The following TFDP2 variants were observed in gnomAD, a reference collection of about 807,000 sequenced individuals.
The protein encoded by TFDP2 is transcription factor Dp-2 (E2F dimerization partner 2).
TFDP2 carries 17 observed loss-of-function variants against 59.3 expected under a neutral mutation model. That is an observed-to-expected ratio of 0.29 (90% confidence interval 0.20 to 0.43). The LOEUF (loss-of-function observed/expected upper bound fraction) is 0.43, where lower values mean the gene tolerates loss of function less well. Ranked by LOEUF, TFDP2 falls within the 20% of genes least tolerant of loss-of-function variation. The probability of loss-of-function intolerance (pLI) is 1.00; values close to 1 mark genes in which losing one functional copy is unlikely to be tolerated. For synonymous variants in TFDP2, 180 were observed against 194.7 expected (o/e 0.92, Z 0.63); for missense variants, 391 against 528.8 (o/e 0.74, Z 2.56).
At chr3:141,955,190 T>C (rs1458201515) in intron 11 of TFDP2, among the ~76,000 whole-genome samples, 1 of 152,194 alleles carries the variant, frequency 6.6e-6, no homozygotes, top group African/African-American at 2.4e-5. Context: ...TGGAAAAGCC[T>C]ACATTTCTTT....
At chr3:142,048,999 G>A (rs1018566855) in intron 3 of TFDP2, among the ~76,000 whole-genome samples, 3 of 152,114 alleles carry the variant, frequency 2.0e-5, no homozygotes, top group African/African-American at 4.8e-5. Context: ...ATGAAATAAC[G>A]AATATGAAGG....
intron 4 of TFDP2, among the ~76,000 whole-genome samples, chr3:142,003,984 G>A (rs1397900969): frequency 1.3e-5 from 2 of 152,208 alleles, no homozygotes; most frequent in East Asian, 3.8e-4. Context: ...ATAAAAATTT[G>A]AGTATGTTTA....
At chr3:141,967,960 C>T (rs888774500) in intron 9 of TFDP2, among the ~76,000 whole-genome samples, 1 of 151,706 alleles carries the variant, frequency 6.6e-6, no homozygotes, top group African/African-American at 2.4e-5. Flanking sequence ...TTAAAAATAA[C>T]GTGCCAAAAA....
intron 1 of TFDP2, among the ~76,000 whole-genome samples, chr3:142,123,280 G>A (rs961214544): frequency 4.6e-5 from 7 of 152,130 alleles, no homozygotes; most frequent in South Asian, 2.1e-4. Flanking sequence ...GACTACAGGC[G>A]CGTGCCACTG....
intron 3 of TFDP2, among the ~76,000 whole-genome samples, chr3:142,050,389 T>C (rs1189755486): frequency 1.3e-5 from 2 of 152,208 alleles, no homozygotes; most frequent in East Asian, 3.9e-4. Flanking sequence ...TGTTTTCTCT[T>C]CTAGCCTTTC....
At chr3:141,993,341 C>G (rs962769619) in intron 6 of TFDP2, among the ~76,000 whole-genome samples, 197 bp downstream of exon 6, 1 of 152,158 alleles carries the variant, frequency 6.6e-6, no homozygotes, top group Admixed American at 6.6e-5. Flanking sequence ...AATCTGCTCA[C>G]AGGGTAATTT....
At chr3:142,083,249 T>C (rs2060701480) in intron 3 of TFDP2, among the ~76,000 whole-genome samples, 2 of 151,996 alleles carry the variant, frequency 1.3e-5, no homozygotes, top group Non-Finnish European at 2.9e-5. Flanking sequence ...TTAAAAGTAA[T>C]CCCATTTATA....
chr3:142,010,286 A>G (rs1944554992), intron 3 of TFDP2, among the ~76,000 whole-genome samples: 1 of 152,250 alleles, frequency 6.6e-6, no homozygotes, highest in Admixed American at 6.5e-5. Flanking sequence ...CAGTCATCAC[A>G]TGAAAAGACG....
chr3:142,107,781 T>C (rs1489477750), intron 1 of TFDP2, among the ~76,000 whole-genome samples: 1 of 152,164 alleles, frequency 6.6e-6, no homozygotes, highest in Non-Finnish European at 1.5e-5. Context: ...CCAGCAAAAG[T>C]GTTCTTAACT....
rs181426244 is a variant in TFDP2, at chr3:141,990,410, G to T, written c.356+3128C>A. Among the ~76,000 whole-genome samples, 70 of 152,186 alleles carry T rather than the reference G, an allele frequency of 4.6e-4. No individual in the cohort carries two copies. The East Asian group carries it at 0.011, about 23-fold the overall frequency. ...TTGCCTCAGCCTCCTGAGTAGCTGG[G>T]ATTACAGGCACCCACCACCATGCCC... is the stretch of plus-strand genomic sequence containing the variant. On this transcript the variant is annotated intron_variant, in intron 6 of 12. Coordinates refer to ENST00000489671, the MANE Select transcript of TFDP2 (RefSeq NM_001178139.2).
At chr3:142,077,365 C>T (rs894709850) in intron 3 of TFDP2, among the ~76,000 whole-genome samples, 4 of 152,184 alleles carry the variant, frequency 2.6e-5, no homozygotes, top group African/African-American at 9.6e-5. Flanking sequence ...TAAGGGAGTG[C>T]TTGCGCCACC....
chr3:141,986,401 A>C (rs1337391415), intron 6 of TFDP2, among the ~76,000 whole-genome samples: 4 of 152,224 alleles, frequency 2.6e-5, no homozygotes, highest in African/African-American at 9.6e-5. Context: ...CATGACTTCT[A>C]TTATAGTTTT....
rs377437745 is a variant in TFDP2, at chr3:142,111,288, G to A, written c.-92-9447C>T. Among the ~76,000 whole-genome samples, 5 of 152,026 alleles carry A rather than the reference G, an allele frequency of 3.3e-5. No homozygotes were observed. In the East Asian group the frequency reaches 9.8e-4, roughly 30 times the overall value. On this transcript the variant is annotated intron_variant, in intron 1 of 12. Transcript: ENST00000489671. ...TACTAAAAATACAAAAATTAGCCGG[G>A]TGTGGTGGCACATGCCTGTAATCCC...
At chr3:142,081,297 A>G (rs1264579888) in intron 3 of TFDP2, among the ~76,000 whole-genome samples, 4 of 152,192 alleles carry the variant, frequency 2.6e-5, no homozygotes, top group African/African-American at 9.6e-5. Context: ...TGATAAAAGA[A>G]ACACAACACA....
At chr3:141,976,514 T>C (rs935896411) in intron 7 of TFDP2, among the ~76,000 whole-genome samples, 3 of 152,184 alleles carry the variant, frequency 2.0e-5, no homozygotes, top group Non-Finnish European at 4.4e-5. Context: ...AATGCTTCAT[T>C]GTGGTGACAG....
At chr3:142,071,712 G>A (rs376666880) in intron 3 of TFDP2, among the ~76,000 whole-genome samples, 1 of 152,170 alleles carries the variant, frequency 6.6e-6, no homozygotes, top group Non-Finnish European at 1.5e-5. Context: ...GAATCAAAAA[G>A]CCTTGTAAGT....
At chr3:142,074,560 T>TA (rs2060374872) in intron 3 of TFDP2, among the ~76,000 whole-genome samples, 1 of 149,600 alleles carries the variant, frequency 6.7e-6, no homozygotes, top group Admixed American at 6.7e-5. Flanking sequence ...ATATATAAAT[T>TA]AAAAAAACAG....
At chr3:142,127,139 C>A (rs2062297175) in intron 1 of TFDP2, among the ~76,000 whole-genome samples, 1 of 147,928 alleles carries the variant, frequency 6.8e-6, no homozygotes, top group South Asian at 2.1e-4. Context: ...TAGAGACATA[C>A]AGATATATGT....
At chr3:142,072,288 T>C (rs1279324142) in intron 3 of TFDP2, among the ~76,000 whole-genome samples, 1 of 152,230 alleles carries the variant, frequency 6.6e-6, no homozygotes, top group African/African-American at 2.4e-5. Flanking sequence ...CACTGTAGTT[T>C]AGAAAGATCA....
Sources: gnomAD v4.1 joint callset for allele counts (sites outside exome capture counted in the v4.1 genomes callset) on GRCh38, gnomAD v4.1.1 for gene constraint, MANE v1.5 for transcripts, NCBI Gene and HGNC (gene_info 2026-07-23, HGNC 2026-07-21) for gene names.